The following MMS22L variants were observed in gnomAD, a reference collection of about 807,000 sequenced individuals.
MMS22L encodes protein MMS22-like.
A neutral mutation model predicts 159.1 loss-of-function variants in MMS22L; 74 were observed. That is an observed-to-expected ratio of 0.47 (90% CI 0.39 to 0.56). The LOEUF is 0.56. Among genes scored for constraint, MMS22L ranks in the 20% least tolerant of loss-of-function variants. The pLI, the probability that MMS22L is intolerant of heterozygous loss-of-function variation, is 0.00. For synonymous variants in MMS22L, 517 were observed against 506.9 expected (o/e 1.02, Z -0.27); for missense variants, 1,351 against 1,422.1 (o/e 0.95, Z 0.80).
intron 20 of MMS22L, among the ~76,000 whole-genome samples, chr6:97,167,717 C>T (rs990632654): frequency 6.6e-6 from 1 of 151,986 alleles, no homozygotes; most frequent in African/African-American, 2.4e-5. Flanking sequence ...AATGAAAAGC[C>T]CTCCAACTCC....
chr6:97,221,146 C>T (rs565535205), intron 14 of MMS22L, among the ~76,000 whole-genome samples: 8 of 152,130 alleles, frequency 5.3e-5, no homozygotes, highest in Admixed American at 5.2e-4. Flanking sequence ...GCCTTATATT[C>T]ATTATTGCAT....
rs190673596 is a variant in MMS22L, at chr6:97,237,499, G to A, written c.1183-3519C>T. Among the ~76,000 whole-genome samples, 238 of 151,898 alleles carry A rather than the reference G, an allele frequency of 1.6e-3. 2 individuals are homozygous for A. Among genetic ancestry groups the A allele is most frequent in the South Asian group, 4.4e-3 (21 of 4,796 alleles). On this transcript the variant is annotated intron_variant, in intron 11 of 24. Transcript: ENST00000683635. ...TCTTTACGCTTTTATGGCACACTAG[G>A]CATACCTACATCATCATACTTACCT...
Position 97,231,434 on chromosome 6 carries a change from G to T in MMS22L, c.1521C>A (p.Val507=). The part of the protein sequence containing the change: ...KSNGPHPWKQ[V]KGRIYSKFHQ... ...GAAGATACTGCATATACCTTCCTTTGACTTGTTTCCAAGGATGAGGGCCAT... is the reference window on the plus strand; with the variant it reads ...GAAGATACTGCATATACCTTCCTTTTACTTGTTTCCAAGGATGAGGGCCAT... The change falls in exon 13 of 25, where the codon GTC becomes GTA. Residue 507 remains valine, a synonymous_variant. Transcript: ENST00000683635. 1.2e-6 allele frequency: 2 copies of T among 1,611,924 alleles called. No individual in the cohort carries two copies. Among genetic ancestry groups the T allele is most frequent in the South Asian group, 2.2e-5 (2 of 90,884 alleles).
chr6:97,146,866 C>T lies in MMS22L; in HGVS notation c.3672G>A (p.Leu1224=), dbSNP rs778237100. Reference sequence around the variant, plus strand: ...CTTGTCCCATCTGTCCAAGGTGAGACAAAAGTTTGCTATAGGCTTCCCTGT... The same window carrying T: ...CTTGTCCCATCTGTCCAAGGTGAGATAAAAGTTTGCTATAGGCTTCCCTGT... ...IAQREAYSKL[L]SHLGQMGQDE... The change falls in exon 25 of 25, where the codon TTG becomes TTA. Residue 1224 remains leucine (L), a synonymous_variant. Coordinates refer to ENST00000683635, the MANE Select transcript of MMS22L (RefSeq NM_001350599.2). 62 of 1,555,244 alleles carry T rather than the reference C, an allele frequency of 4.0e-5. No homozygotes were observed. In the South Asian group the frequency reaches 4.1e-4, roughly 10 times the overall value.
intron 14 of MMS22L, among the ~76,000 whole-genome samples, chr6:97,224,951 A>G (rs1488439045): frequency 2.0e-5 from 3 of 152,160 alleles, no homozygotes; most frequent in Non-Finnish European, 4.4e-5. Context: ...ATAGTGTAAG[A>G]AGGCAGCTGT....
intron 14 of MMS22L, among the ~76,000 whole-genome samples, chr6:97,195,299 C>G (rs1311499206): frequency 6.6e-6 from 1 of 152,082 alleles, no homozygotes; most frequent in Non-Finnish European, 1.5e-5. Context: ...GACAGATGAA[C>G]AGCAGATGAA....
intron 18 of MMS22L, among the ~76,000 whole-genome samples, chr6:97,175,674 A>G (rs888906340): frequency 4.6e-5 from 7 of 152,186 alleles, no homozygotes; most frequent in African/African-American, 9.7e-5. Context: ...TCAGGAAAAA[A>G]AAATCACACC....
At chr6:97,263,541 G>C (rs1814729352) in intron 8 of MMS22L, 93 bp from the exon 9 acceptor site, 1 of 548,078 alleles carries the variant, frequency 1.8e-6, no homozygotes, top group East Asian at 3.1e-5. Context: ...GAATGATTTA[G>C]ATGACTAAGA....
At chr6:97,226,184 G>A (rs929284126) in intron 14 of MMS22L, among the ~76,000 whole-genome samples, 1 of 152,120 alleles carries the variant, frequency 6.6e-6, no homozygotes, top group Non-Finnish European at 1.5e-5. Context: ...TATATAATGA[G>A]ACAGTAAATA....
chr6:97,215,353 C>A (rs1182169619), intron 14 of MMS22L, among the ~76,000 whole-genome samples: 1 of 152,078 alleles, frequency 6.6e-6, no homozygotes, highest in Non-Finnish European at 1.5e-5. Flanking sequence ...TCTAATCCAG[C>A]CAAAGCTGAT....
At chr6:97,203,596 TCATTC>T (rs1194259124) in intron 14 of MMS22L, among the ~76,000 whole-genome samples, 2 of 152,198 alleles carry the variant, frequency 1.3e-5, no homozygotes, top group African/African-American at 2.4e-5. Flanking sequence ...TCCTGTCCTT[TCATTC>T]CACAGGATCA....
intron 14 of MMS22L, among the ~76,000 whole-genome samples, chr6:97,225,746 G>C (rs955925654): frequency 6.6e-6 from 1 of 151,840 alleles, no homozygotes; most frequent in African/African-American, 2.4e-5. Flanking sequence ...TTAATTTTTT[G>C]TATTTGTAGT....
intron 11 of MMS22L, among the ~76,000 whole-genome samples, chr6:97,234,398 A>G (rs1449532437): frequency 6.6e-6 from 1 of 152,190 alleles, no homozygotes; most frequent in African/African-American, 2.4e-5. Context: ...GGATTATAGG[A>G]GTTGTTCTTT....
intron 9 of MMS22L, chr6:97,259,672 G>A (rs945393542): frequency 2.3e-4 from 33 of 146,560 alleles, no homozygotes; most frequent in African/African-American, 6.6e-4. Context: ...CCATAACTCT[G>A]CGAGCCAATT....
chr6:97,151,966 C>T, intron 22 of MMS22L, 99 bp from the exon 23 acceptor site: 1 of 888,514 alleles, frequency 1.1e-6, no homozygotes, highest in Non-Finnish European at 1.8e-6. Flanking sequence ...ATGTTGTTTT[C>T]TTAAAGTATG....
In MMS22L at chr6:97,145,061, CACACAAAA is replaced by C. The variant is rs1800868559; in HGVS notation, c.*1737_*1744del. ...ACACACACACACACACACACACACA[CACACAAAA>C]ACACATATACACATAAATAACCTCT... On this transcript the variant is annotated 3_prime_UTR_variant, in exon 25 of 25. Transcript: ENST00000683635. 6.9e-6 allele frequency: 1 copy of C among 144,924 alleles called. No homozygotes were observed. The highest frequency in any genetic ancestry group is 2.2e-4 in the South Asian group (1 of 4,604). 9.0% of individuals were successfully genotyped at this position (144,924 alleles called of 1,614,324 possible). A position where few individuals can be genotyped will look rare whatever the true frequency, so the allele number is the denominator to read the frequency against.
At chr6:97,281,025 T>C (rs1816710687) in intron 3 of MMS22L, among the ~76,000 whole-genome samples, 1 of 152,210 alleles carries the variant, frequency 6.6e-6, no homozygotes, top group Non-Finnish European at 1.5e-5. Flanking sequence ...ATGTGTCAAA[T>C]GCAAAGAATA....
intron 4 of MMS22L, among the ~76,000 whole-genome samples, chr6:97,273,878 A>C (rs1391147261): frequency 6.6e-6 from 1 of 152,198 alleles, no homozygotes; most frequent in East Asian, 1.9e-4. Context: ...CTAAGTAAAA[A>C]ATCTGCTTAA....
chr6:97,161,323 T>G (rs1802412376), intron 22 of MMS22L, among the ~76,000 whole-genome samples: 1 of 152,038 alleles, frequency 6.6e-6, no homozygotes, highest in Admixed American at 6.6e-5. Flanking sequence ...GCTGTTAAGC[T>G]CCACTAATTA....
Sources: allele counts gnomAD v4.1 joint callset (sites outside exome capture counted in the v4.1 genomes callset), GRCh38; gene constraint gnomAD v4.1.1; transcripts MANE v1.5; gene names NCBI Gene and HGNC (gene_info 2026-07-23, HGNC 2026-07-21).